The following CHRM3 variants were observed in gnomAD, a reference collection of about 807,000 sequenced individuals.
The protein encoded by CHRM3 is muscarinic acetylcholine receptor M3.
CHRM3 carries 11 observed loss-of-function variants against 41.8 expected under a neutral mutation model. That is an observed-to-expected ratio of 0.26 (90% CI 0.17 to 0.44). The LOEUF (loss-of-function observed/expected upper bound fraction) is 0.44. Among genes scored for constraint, CHRM3 ranks in the 20% least tolerant of loss-of-function variants. The pLI is 1.00. For missense variants in CHRM3, 571 were observed against 745.4 expected (o/e 0.77, Z 2.72); for synonymous variants, 297 against 301.4 (o/e 0.99, Z 0.15).
In CHRM3 at chr1:239,746,183, G is replaced by A. The variant is rs10925966; in HGVS notation, c.-147+67895G>A. On this transcript the variant is annotated intron_variant, in intron 5 of 6. Transcript: ENST00000676153. ...TGGAGCATTCTGCCCAAATACAAGC[G>A]GTAGGTGCCAGGCATCTGTATACCT... Among the ~76,000 whole-genome samples, 390 of 152,258 alleles carry A rather than the reference G, an allele frequency of 2.6e-3. 4 individuals carry two copies. The highest frequency in any genetic ancestry group is 9.1e-3 in the African/African-American group (377 of 41,546).
At chr1:239,807,060 T>A (rs1487324132) in intron 5 of CHRM3, among the ~76,000 whole-genome samples, 3 of 152,238 alleles carry the variant, frequency 2.0e-5, no homozygotes, top group Non-Finnish European at 2.9e-5. Flanking sequence ...TTGGGGTTGG[T>A]ATTAGATGAT....
intron 6 of CHRM3, among the ~76,000 whole-genome samples, chr1:239,840,380 G>A (rs1673695092): frequency 6.6e-6 from 1 of 152,128 alleles, no homozygotes; most frequent in Non-Finnish European, 1.5e-5. Context: ...ACTTCACACG[G>A]CATTGATTTT....
intron 5 of CHRM3, among the ~76,000 whole-genome samples, chr1:239,818,849 G>A (rs1041743450): frequency 1.3e-5 from 2 of 152,192 alleles, no homozygotes; most frequent in African/African-American, 4.8e-5. Flanking sequence ...CCTCCTAACA[G>A]GGTTAAAGCT....
intron 4 of CHRM3, among the ~76,000 whole-genome samples, chr1:239,675,611 A>G (rs1170712465): frequency 1.3e-5 from 2 of 152,222 alleles, no homozygotes; most frequent in African/African-American, 4.8e-5. Flanking sequence ...ACTGTCTTTG[A>G]AAGCAATCAC....
intron 3 of CHRM3, among the ~76,000 whole-genome samples, chr1:239,575,181 G>A (rs1389171400): frequency 6.6e-6 from 1 of 152,040 alleles, no homozygotes; most frequent in Non-Finnish European, 1.5e-5. Flanking sequence ...TATTTGTGTA[G>A]GTAAGTTTCT....
At position 239,909,297 on chromosome 1, in the gene CHRM3, G is replaced by A; in HGVS notation, c.*73G>A. The A allele has an allele frequency of 6.8e-7, 1 of 1,461,732 alleles. No homozygotes were observed. The highest frequency in any genetic ancestry group is 9.2e-7 in the Non-Finnish European group (1 of 1,085,092). 90.5% of individuals were successfully genotyped at this position (1,461,732 alleles called of 1,614,324 possible). ...AGACCTTAGGAGGAGGAAGGCGAGG[G>A]CGGGGTGACTTCTGGTGATGATAAA... On this transcript the variant is annotated 3_prime_UTR_variant, in exon 7 of 7. Coordinates refer to ENST00000676153, the MANE Select transcript of CHRM3 (RefSeq NM_001375978.1).
intron 2 of CHRM3, among the ~76,000 whole-genome samples, chr1:239,506,558 A>G (rs1295022897): frequency 6.6e-6 from 1 of 152,228 alleles, no homozygotes; most frequent in African/African-American, 2.4e-5. Flanking sequence ...GCAGAAGTTT[A>G]CTGCAGGGGT....
chr1:239,555,044 T>C (rs1480657604), intron 3 of CHRM3, among the ~76,000 whole-genome samples: 1 of 152,198 alleles, frequency 6.6e-6, no homozygotes, highest in Non-Finnish European at 1.5e-5. Context: ...TATGTATTTC[T>C]AATCACTTTT....
chr1:239,396,942 G>A (rs1280534189), intron 1 of CHRM3, among the ~76,000 whole-genome samples: 1 of 152,110 alleles, frequency 6.6e-6, no homozygotes, highest in Admixed American at 6.5e-5. Context: ...AAACCAATCT[G>A]CTTAAAATGG....
At chr1:239,613,992 C>CA (rs900105945) in intron 3 of CHRM3, among the ~76,000 whole-genome samples, 18 of 151,616 alleles carry the variant, frequency 1.2e-4, no homozygotes, top group South Asian at 2.1e-4. Context: ...CCCCTCTCTA[C>CA]AAAAAAAATA....
At chr1:239,589,638 CTATA>C (rs10592228) in intron 3 of CHRM3, among the ~76,000 whole-genome samples, 34,540 of 124,144 alleles carry the variant, frequency 0.28, 4,374 homozygotes, top group Middle Eastern at 0.38. Context: ...ATATAAAAAA[CTATA>C]TATATATATA....
chr1:239,496,185 A>G (rs1306486828), intron 2 of CHRM3, among the ~76,000 whole-genome samples: 1 of 152,122 alleles, frequency 6.6e-6, no homozygotes, highest in Non-Finnish European at 1.5e-5. Context: ...GGCAAACCAG[A>G]TGAACATGGC....
At chr1:239,580,301 C>CACACACAT (rs1553332568) in intron 3 of CHRM3, among the ~76,000 whole-genome samples, 41 of 139,196 alleles carry the variant, frequency 2.9e-4, no homozygotes, top group African/African-American at 9.6e-4. Context: ...CACACACACA[C>CACACACAT]ACACACATCA....
chr1:239,492,293 TCTGTTATGACCC>T (rs1193826042), intron 1 of CHRM3, among the ~76,000 whole-genome samples: 2 of 152,198 alleles, frequency 1.3e-5, no homozygotes, highest in Non-Finnish European at 2.9e-5. Context: ...TCCCACATTC[TCTGTTATGACCC>T]CTTTCTTCCC....
At position 239,827,288 on chromosome 1, in the gene CHRM3, C is replaced by T. The variant is rs1672532731; in HGVS notation, c.-110C>T. On this transcript the variant is annotated 5_prime_UTR_variant, in exon 6 of 7. Transcript: ENST00000676153. ...CTCTTGGGCAGCCTGACATCTGGTC[C>T]ACTCCTCTGTCCTATGCCGGGATCA... 6.6e-6 allele frequency: 1 copy of T among 152,200 alleles called. No individual in the cohort carries two copies. The highest frequency in any genetic ancestry group is 2.4e-5 in the African/African-American group (1 of 41,458). The allele number at this position is 152,200 out of a possible 1,614,324, so 9.4% of individuals were successfully genotyped here. A position where few individuals can be genotyped will look rare whatever the true frequency, so the allele number is the denominator to read the frequency against.
intron 3 of CHRM3, among the ~76,000 whole-genome samples, chr1:239,548,400 C>T (rs1258997792): frequency 6.6e-6 from 1 of 152,180 alleles, no homozygotes; most frequent in African/African-American, 2.4e-5. Context: ...TTTGGTTTGT[C>T]CAACTCTGTC....
At position 239,793,803 on chromosome 1, in the gene CHRM3, A is replaced by ATTTTTTTTTTTTTTTTTTTTTTTTT. The variant is rs67460907; in HGVS notation, c.-146-33448_-146-33424dup. On this transcript the variant is annotated intron_variant, in intron 5 of 6. Coordinates refer to ENST00000676153, the MANE Select transcript of CHRM3 (RefSeq NM_001375978.1). ...TGAACTTGTCAGAAATGAAATGTGTATTTTTTTTTTTTTTTTTTTTTTTTT... is the reference window on the plus strand; with the variant it reads ...TGAACTTGTCAGAAATGAAATGTGTATTTTTTTTTTTTTTTTTTTTTTTTTTTTTTTTTTTTTTTTTTTTTTTTTT... Among the ~76,000 whole-genome samples, 12 of 69,494 alleles carry ATTTTTTTTTTTTTTTTTTTTTTTTT rather than the reference A, an allele frequency of 1.7e-4. 4 individuals carry two copies. Among genetic ancestry groups the ATTTTTTTTTTTTTTTTTTTTTTTTT allele is most frequent in the African/African-American group, 6.8e-4 (11 of 16,148 alleles). 45.6% of individuals were successfully genotyped at this position (69,494 alleles called of 152,430 possible).
At chr1:239,427,759 A>G (rs1662507450) in intron 1 of CHRM3, among the ~76,000 whole-genome samples, 1 of 151,956 alleles carries the variant, frequency 6.6e-6, no homozygotes, top group African/African-American at 2.4e-5. Flanking sequence ...CATTTAAGAG[A>G]CAAGCAGATG....
intron 5 of CHRM3, among the ~76,000 whole-genome samples, chr1:239,755,089 T>C (rs1572188072): frequency 6.6e-6 from 1 of 152,316 alleles, no homozygotes; most frequent in Non-Finnish European, 1.5e-5. Context: ...TAATGAGGTT[T>C]ATCCTTTCTT....
Sources: gnomAD v4.1 joint callset for allele counts (sites outside exome capture counted in the v4.1 genomes callset) on GRCh38, gnomAD v4.1.1 for gene constraint, MANE v1.5 for transcripts, NCBI Gene and HGNC (gene_info 2026-07-23, HGNC 2026-07-21) for gene names.